Variants in CHCHD3 observed in about 807,000 individuals in gnomAD.
CHCHD3 encodes the protein MICOS complex subunit MIC19.
A neutral mutation model predicts 38.2 loss-of-function variants in CHCHD3; 20 were observed. The ratio of observed to expected loss-of-function variants is 0.52; its 90% confidence interval spans 0.37 to 0.76. The LOEUF (loss-of-function observed/expected upper bound fraction) is 0.76. Ranked by LOEUF, CHCHD3 falls within the 30% of genes least tolerant of loss-of-function variation. The pLI is 0.00. For missense variants in CHCHD3, 245 were observed against 279.2 expected (o/e 0.88, Z 0.87); for synonymous variants, 82 against 100.0 (o/e 0.82, Z 1.07).
At chr7:132,803,542 C>T (rs781476833) in intron 6 of CHCHD3, among the ~76,000 whole-genome samples, 5 of 151,908 alleles carry the variant, frequency 3.3e-5, no homozygotes, top group Non-Finnish European at 5.9e-5. Context: ...GTGATACCCT[C>T]GAGGCTTTGT....
intron 5 of CHCHD3, among the ~76,000 whole-genome samples, chr7:132,872,687 C>T (rs1021005901): frequency 1.3e-5 from 2 of 152,130 alleles, no homozygotes; most frequent in Non-Finnish European, 2.9e-5. Flanking sequence ...AAACAATGGG[C>T]GCTTAGCTTA....
At chr7:132,897,555 G>A (rs1241853739) in intron 4 of CHCHD3, among the ~76,000 whole-genome samples, 1 of 152,188 alleles carries the variant, frequency 6.6e-6, no homozygotes, top group Non-Finnish European at 1.5e-5. Flanking sequence ...AGGTCAGAAA[G>A]AGAATTGGTT....
At chr7:132,949,175 G>T (rs940610085) in intron 4 of CHCHD3, among the ~76,000 whole-genome samples, 1 of 151,988 alleles carries the variant, frequency 6.6e-6, no homozygotes, top group Admixed American at 6.6e-5. Flanking sequence ...CTATAACAGG[G>T]CCTCTGAATT....
Position 132,796,478 on chromosome 7 carries a change from G to A in CHCHD3, c.624C>T (p.Ala208=). The A allele has an allele frequency of 6.2e-7, 1 of 1,613,934 alleles. No homozygotes were observed. The highest frequency in any genetic ancestry group is 8.5e-7 in the Non-Finnish European group (1 of 1,179,888). ...GATTGACACAGTGCATATACTGGGT[G>A]GCCAGAGCGGAGCATTTGAGGGTCT... ...THQTLKCSAL[A]TQYMHCVNHA... The change falls in exon 7 of 8, where the codon GCC becomes GCT. Residue 208 remains alanine, a synonymous_variant. Transcript: ENST00000262570.
chr7:132,982,049 T>C (rs903883702), intron 3 of CHCHD3, among the ~76,000 whole-genome samples: 1 of 152,232 alleles, frequency 6.6e-6, no homozygotes, highest in African/African-American at 2.4e-5. Context: ...GCATTCAAGA[T>C]ACTGTTTACC....
intron 1 of CHCHD3, among the ~76,000 whole-genome samples, chr7:133,078,300 C>T (rs971996722): frequency 6.6e-6 from 1 of 152,164 alleles, no homozygotes; most frequent in African/African-American, 2.4e-5. Context: ...CAGAGCAAGA[C>T]TCGTCTCAAA....
intron 3 of CHCHD3, among the ~76,000 whole-genome samples, chr7:132,993,535 T>C (rs776139742): frequency 2.0e-5 from 3 of 152,204 alleles, no homozygotes; most frequent in Admixed American, 6.5e-5. Flanking sequence ...CTGTGCCCCA[T>C]AGATGACCCC....
At chr7:133,024,791 A>G (rs1002934795) in intron 2 of CHCHD3, among the ~76,000 whole-genome samples, 164 bp from the exon 3 acceptor site, 1 of 152,222 alleles carries the variant, frequency 6.6e-6, no homozygotes, top group Non-Finnish European at 1.5e-5. Flanking sequence ...GAAAAGGCCA[A>G]TTAGTGCACT....
intron 4 of CHCHD3, among the ~76,000 whole-genome samples, chr7:132,918,041 G>A (rs1810160813): frequency 6.6e-6 from 1 of 152,082 alleles, no homozygotes; most frequent in African/African-American, 2.4e-5. Context: ...GAAGATTTAA[G>A]TCATTTTGTC....
At chr7:133,074,155 T>A (rs1436313644) in intron 1 of CHCHD3, among the ~76,000 whole-genome samples, 1 of 152,174 alleles carries the variant, frequency 6.6e-6, no homozygotes, top group Non-Finnish European at 1.5e-5. Flanking sequence ...TCCACTAGAT[T>A]GCAAGCTCCT....
At chr7:132,993,908 G>C (rs902024809) in intron 3 of CHCHD3, among the ~76,000 whole-genome samples, 3 of 152,196 alleles carry the variant, frequency 2.0e-5, no homozygotes, top group African/African-American at 4.8e-5. Context: ...GAAATTGATA[G>C]CAGAAGGTGC....
intron 5 of CHCHD3, chr7:132,847,455 G>C (rs1316498643): frequency 6.6e-6 from 1 of 152,090 alleles, no homozygotes; most frequent in Non-Finnish European, 1.5e-5. Context: ...TTGGGGTATG[G>C]GGGGGATTTA....
chr7:132,862,971 C>T (rs1808532239), intron 5 of CHCHD3, among the ~76,000 whole-genome samples: 1 of 152,196 alleles, frequency 6.6e-6, no homozygotes, highest in Admixed American at 6.5e-5. Flanking sequence ...ATCTGCAACT[C>T]CTTCCTCCAC....
chr7:132,884,651 T>C (rs1041458180), intron 5 of CHCHD3, among the ~76,000 whole-genome samples: 1 of 152,210 alleles, frequency 6.6e-6, no homozygotes, highest in Non-Finnish European at 1.5e-5. Context: ...AAATAAAATT[T>C]GGAGGGTTTC....
intron 4 of CHCHD3, among the ~76,000 whole-genome samples, chr7:132,971,368 G>A (rs1271211494): frequency 2.0e-5 from 3 of 152,222 alleles, no homozygotes; most frequent in Non-Finnish European, 4.4e-5. Context: ...TCAGTGCTGA[G>A]TAGAGGAAGG....
chr7:132,994,496 G>A, intron 3 of CHCHD3, among the ~76,000 whole-genome samples: 1 of 152,182 alleles, frequency 6.6e-6, no homozygotes, highest in Non-Finnish European at 1.5e-5. Flanking sequence ...TGAGGGAAGA[G>A]TGATATCCGT....
rs185992936 is a variant in CHCHD3, at chr7:132,893,211, A to G, written c.370-7466T>C. Among the ~76,000 whole-genome samples the G allele has an allele frequency of 5.3e-5, 8 of 152,318 alleles. No homozygotes were observed. The East Asian group carries it at 1.4e-3, about 26-fold the overall frequency. ...AAGGCCATGGGAGCCCACCTCTTGCATGAGGGTGAACTAGACATGAGACAT... is the reference window on the plus strand; with the variant it reads ...AAGGCCATGGGAGCCCACCTCTTGCGTGAGGGTGAACTAGACATGAGACAT... On this transcript the variant is annotated intron_variant, in intron 4 of 7. Transcript: ENST00000262570.
chr7:132,922,147 C>T (rs78718005), intron 4 of CHCHD3, among the ~76,000 whole-genome samples: 3,340 of 152,148 alleles, frequency 0.022, 86 homozygotes, highest in South Asian at 0.12. Flanking sequence ...GGAGGTAGGA[C>T]GTGGAAAAGG....
At chr7:132,841,428 CA>C (rs10599275) in intron 5 of CHCHD3, among the ~76,000 whole-genome samples, 20 of 141,070 alleles carry the variant, frequency 1.4e-4, no homozygotes, top group Admixed American at 4.2e-4. Context: ...ACAACAACAA[CA>C]AAAAAAAAAA....
Sources: gnomAD v4.1 joint callset for allele counts (sites outside exome capture counted in the v4.1 genomes callset) on GRCh38, gnomAD v4.1.1 for gene constraint, MANE v1.5 for transcripts, NCBI Gene and HGNC (gene_info 2026-07-23, HGNC 2026-07-21) for gene names.